Variants in DOCK10 observed in about 807,000 individuals in gnomAD.
DOCK10 encodes the protein dedicator of cytokinesis protein 10.
A neutral mutation model predicts 280.1 loss-of-function variants in DOCK10; 145 were observed. The observed-to-expected ratio is 0.52, with a 90% CI of 0.45 to 0.59. DOCK10 has a LOEUF of 0.59. Ranked by LOEUF, DOCK10 falls within the 20% of genes least tolerant of loss-of-function variation. The pLI is 0.00. For synonymous variants in DOCK10, 915 were observed against 942.2 expected (o/e 0.97, Z 0.53); for missense variants, 2,368 against 2,651.7 (o/e 0.89, Z 2.35).
intron 1 of DOCK10, chr2:224,946,858 T>C (rs1367836412): frequency 6.5e-7 from 1 of 1,542,826 alleles, no homozygotes; most frequent in Admixed American, 2.0e-5. Flanking sequence ...GAACTAAATC[T>C]GTGGATTTCT....
At chr2:224,871,732 C>G (rs528733798) in intron 11 of DOCK10, among the ~76,000 whole-genome samples, 1 of 152,140 alleles carries the variant, frequency 6.6e-6, no homozygotes, top group African/African-American at 2.4e-5. Flanking sequence ...GCCTTTTTAT[C>G]CTTCCCAACC....
intron 39 of DOCK10, among the ~76,000 whole-genome samples, chr2:224,803,789 C>T (rs915103402): frequency 3.9e-5 from 6 of 152,038 alleles, no homozygotes; most frequent in Non-Finnish European, 8.8e-5. Flanking sequence ...ATTTATTGGG[C>T]CTATGTCTCA....
intron 1 of DOCK10, among the ~76,000 whole-genome samples, chr2:225,001,855 C>T (rs1179761394): frequency 7.2e-5 from 11 of 152,158 alleles, no homozygotes; most frequent in Non-Finnish European, 1.5e-4. Flanking sequence ...CTCCCTTGAG[C>T]CTGTTTCGTA....
chr2:224,770,124 A>G lies in DOCK10; in HGVS notation c.6444+87T>C, dbSNP rs1464832311. ...TGATGCAGTGATTTCTGCAGCAAGAAAAGGGCCTCTTTCCTGTCCTTCTGG... is the reference window on the plus strand; with the variant it reads ...TGATGCAGTGATTTCTGCAGCAAGAGAAGGGCCTCTTTCCTGTCCTTCTGG... On this transcript the variant is annotated intron_variant, in intron 55 of 55. Transcript: ENST00000258390. This position sits in a 1 kb window ranked among gnomAD's most constrained non-coding sequence, Gnocchi z 4.5. 2 of 1,377,178 alleles carry G rather than the reference A, an allele frequency of 1.5e-6. No individual in the cohort carries two copies. Among genetic ancestry groups the G allele is most frequent in the Admixed American group, 3.0e-5 (1 of 33,124 alleles). 85.3% of individuals were successfully genotyped at this position (1,377,178 alleles called of 1,614,324 possible).
At chr2:224,768,980 C>T (rs1451381803) in intron 55 of DOCK10, 1 of 454,036 alleles carries the variant, frequency 2.2e-6, no homozygotes, top group East Asian at 7.0e-5. Flanking sequence ...CATTTTTGTC[C>T]AAAGTTTCTA....
chr2:224,957,287 C>T lies in DOCK10; in HGVS notation c.124-25619G>A, dbSNP rs550910033. ...CTAGTATTTAGTTTTTACTTTCCGC[C>T]CCCCCCCGGCTTTGTTTTTCGGAGA... is the stretch of plus-strand genomic sequence containing the variant. On this transcript the variant is annotated intron_variant, in intron 1 of 55. Coordinates refer to ENST00000258390, the MANE Select transcript of DOCK10 (RefSeq NM_014689.3). Among the ~76,000 whole-genome samples the T allele has an allele frequency of 7.5e-4, 108 of 143,284 alleles. 1 individual carries two copies. In the South Asian group the frequency reaches 0.021, roughly 28 times the overall value. The allele number at this position is 143,284 out of a possible 152,430, so 94.0% of individuals were successfully genotyped here. A position where few individuals can be genotyped will look rare whatever the true frequency, so the allele number is the denominator to read the frequency against.
chr2:224,845,258 A>T lies in DOCK10; in HGVS notation c.2426T>A (p.Ile809Lys), dbSNP rs776968211. The part of the protein sequence containing the change: ...QIASQEYNIP[I>K]ATSLPPNYLS... The stretch of plus-strand genomic sequence containing the variant: ...ATAATTAGGAGGCAGACTTGTTGCT[A>T]TTGGGATGTTGTACTCTTGAGAAGC... Residue 809 changes from isoleucine to lysine, a missense_variant, in exon 21 of 56, where the codon ATA becomes AAA. Physicochemically the swap from Ile to Lys is moderately radical, Grantham distance 102. This residue lies in a region of DOCK10 where 1,209 missense variants were observed against 1,250.9 expected (regional missense o/e 0.97). Coordinates refer to ENST00000258390, the MANE Select transcript of DOCK10 (RefSeq NM_014689.3). The T allele has an allele frequency of 1.3e-6, 2 of 1,587,758 alleles. No homozygotes were observed. Among genetic ancestry groups the T allele is most frequent in the Non-Finnish European group, 1.7e-6 (2 of 1,165,342 alleles).
rs569452427 is a variant in DOCK10 at position 224,882,373 on chromosome 2, T to C, written c.747+3298A>G. ...AAAAATATCTAATACTCTTTGATGA[T>C]ATTATGAAAAAATAGAAAACCATGA... On this transcript the variant is annotated intron_variant, in intron 7 of 55. Transcript: ENST00000258390. 3.9e-5 allele frequency among the ~76,000 whole-genome samples: 6 copies of C among 152,348 alleles called. No homozygotes were observed. In the East Asian group the frequency reaches 1.2e-3, roughly 29 times the overall value.
intron 39 of DOCK10, among the ~76,000 whole-genome samples, chr2:224,802,317 T>TA (rs1157969039): frequency 1.3e-5 from 2 of 152,196 alleles, no homozygotes; most frequent in Non-Finnish European, 2.9e-5. Flanking sequence ...CATTATTATT[T>TA]ATGAAATAAT....
intron 11 of DOCK10, among the ~76,000 whole-genome samples, chr2:224,868,463 G>C (rs1466028926): frequency 1.3e-5 from 2 of 152,132 alleles, no homozygotes; most frequent in African/African-American, 4.8e-5. Flanking sequence ...AGTTTGAGTT[G>C]ATGCCAATCT....
chr2:224,989,867 CT>C (rs1231933433), intron 1 of DOCK10, among the ~76,000 whole-genome samples: 1 of 152,188 alleles, frequency 6.6e-6, no homozygotes, highest in Non-Finnish European at 1.5e-5. Context: ...ATAGTAACCC[CT>C]GATCTCTTTT....
chr2:224,774,825 T>C, intron 52 of DOCK10, 80 bp downstream of exon 52: 1 of 1,319,790 alleles, frequency 7.6e-7, no homozygotes, highest in South Asian at 1.3e-5. Context: ...AAATAACTCT[T>C]GATTCCTACT....
intron 50 of DOCK10, among the ~76,000 whole-genome samples, chr2:224,783,586 T>A (rs1403590728): frequency 6.6e-6 from 1 of 151,928 alleles, no homozygotes; most frequent in Non-Finnish European, 1.5e-5. Context: ...GGAATTTTTT[T>A]ATAAAGACAA....
At chr2:225,039,765 C>T (rs73075760) in intron 1 of DOCK10, among the ~76,000 whole-genome samples, 1 of 152,182 alleles carries the variant, frequency 6.6e-6, no homozygotes, top group Admixed American at 6.5e-5. Context: ...ACCTGACAAC[C>T]TTACCTAAAC....
intron 14 of DOCK10, 100 bp downstream of exon 14, chr2:224,862,564 A>G (rs1282084945): frequency 6.8e-6 from 6 of 882,296 alleles, no homozygotes; most frequent in African/African-American, 1.7e-5. Context: ...AGGTGTAGAC[A>G]CATTAAAAAT....
chr2:224,889,439 G>A (rs1279561063), intron 4 of DOCK10, among the ~76,000 whole-genome samples: 1 of 152,156 alleles, frequency 6.6e-6, no homozygotes, highest in Non-Finnish European at 1.5e-5. Flanking sequence ...TGATAAAATA[G>A]ACATAACATG....
intron 1 of DOCK10, among the ~76,000 whole-genome samples, chr2:224,939,540 A>G (rs1412474881): frequency 6.6e-6 from 1 of 152,252 alleles, no homozygotes; most frequent in African/African-American, 2.4e-5. Flanking sequence ...TGTCTCATTT[A>G]GTTTTCTAGA....
intron 1 of DOCK10, among the ~76,000 whole-genome samples, chr2:225,016,241 A>G (rs1277229230): frequency 6.6e-6 from 1 of 152,148 alleles, no homozygotes; most frequent in Non-Finnish European, 1.5e-5. Context: ...GACAAATAAA[A>G]CAGTTGGCTT....
At chr2:224,765,883 G>T in intron 55 of DOCK10, 46 bp from the exon 56 acceptor site, 1 of 1,418,938 alleles carries the variant, frequency 7.0e-7, no homozygotes, top group Non-Finnish European at 9.8e-7. Flanking sequence ...AGAGGTTAAT[G>T]TTAATATCCC....
Sources: allele counts gnomAD v4.1 joint callset (sites outside exome capture counted in the v4.1 genomes callset), GRCh38; gene constraint gnomAD v4.1.1; regional missense constraint gnomAD v4.1.1; non-coding constraint Gnocchi (gnomAD v3.1); transcripts MANE v1.5; gene names NCBI Gene and HGNC (gene_info 2026-07-23, HGNC 2026-07-21).